GLCCI1: variants seen among roughly 807,000 people sequenced by gnomAD.
The protein encoded by GLCCI1 is glucocorticoid induced 1.
Under a neutral mutation model 52.2 loss-of-function variants are expected in GLCCI1, and 24 were observed. The observed-to-expected ratio is 0.46, with a 90% CI of 0.33 to 0.65. GLCCI1 has a LOEUF of 0.65. GLCCI1 is among the 30% of genes least tolerant of loss of function. GLCCI1 has a pLI of 0.02. For synonymous variants in GLCCI1, 310 were observed against 276.5 expected, an observed-to-expected ratio of 1.12 and a Z score of -1.20; for missense variants, 704 against 701.5, an observed-to-expected ratio of 1.00 and a Z score of -0.04.
At chr7:7,997,857 G>A (rs766582985) in intron 1 of GLCCI1, among the ~76,000 whole-genome samples, 14 of 151,720 alleles carry the variant, frequency 9.2e-5, no homozygotes, top group Non-Finnish European at 1.3e-4. Flanking sequence ...AACCTGGGAG[G>A]CAGAGGTTAC....
At chr7:8,011,087 C>G (rs903359779) in intron 2 of GLCCI1, among the ~76,000 whole-genome samples, 6 of 151,964 alleles carry the variant, frequency 3.9e-5, no homozygotes, top group Admixed American at 3.3e-4. Flanking sequence ...TGACTACATT[C>G]CAGCCTGGGC....
At chr7:8,061,542 A>G (rs993640035) in intron 5 of GLCCI1, among the ~76,000 whole-genome samples, 4 of 152,096 alleles carry the variant, frequency 2.6e-5, no homozygotes, top group Non-Finnish European at 5.9e-5. Flanking sequence ...ACCCTCCCAA[A>G]AGGTTGTACT....
intron 5 of GLCCI1, among the ~76,000 whole-genome samples, chr7:8,067,670 G>A (rs2127963408): frequency 6.6e-6 from 1 of 152,152 alleles, no homozygotes; most frequent in Middle Eastern, 3.4e-3. Flanking sequence ...GCTTGGAATA[G>A]GCTCCAATCT....
chr7:8,034,555 C>T (rs1265589741), intron 3 of GLCCI1, among the ~76,000 whole-genome samples: 2 of 152,156 alleles, frequency 1.3e-5, no homozygotes, highest in Non-Finnish European at 2.9e-5. Flanking sequence ...ATTGGTAAGA[C>T]ACTTGAAGTA....
intron 6 of GLCCI1, among the ~76,000 whole-genome samples, chr7:8,075,104 T>A (rs1782849060): frequency 6.6e-6 from 1 of 152,232 alleles, no homozygotes; most frequent in Admixed American, 6.5e-5. Flanking sequence ...CGCTATGAAT[T>A]ATGTATAATT....
At chr7:8,083,250 C>A (rs902509246) in intron 6 of GLCCI1, among the ~76,000 whole-genome samples, 1 of 152,078 alleles carries the variant, frequency 6.6e-6, no homozygotes, top group African/African-American at 2.4e-5. Context: ...TCCCTACTTA[C>A]TTGTATTTTT....
intron 3 of GLCCI1, among the ~76,000 whole-genome samples, chr7:8,041,865 C>G (rs1782007423): frequency 1.3e-5 from 2 of 152,044 alleles, no homozygotes; most frequent in South Asian, 4.1e-4. Flanking sequence ...GTGCTGGAAT[C>G]ACAAGTATGA....
In GLCCI1 at chr7:8,062,656, C is replaced by G. The variant is rs540224514; in HGVS notation, c.966+2408C>G. On this transcript the variant is annotated intron_variant, in intron 5 of 7. Transcript: ENST00000223145. ...CAAGTAGGCCCTGATATCTGTTGTT[C>G]CCTTCTTTGTATCTGTATGTACTCA... Among the ~76,000 whole-genome samples the G allele has an allele frequency of 2.6e-5, 4 of 152,258 alleles. No individual in the cohort carries two copies. In the South Asian group the frequency reaches 8.3e-4, roughly 32 times the overall value.
At chr7:7,996,188 T>C (rs1357599889) in intron 1 of GLCCI1, among the ~76,000 whole-genome samples, 3 of 152,208 alleles carry the variant, frequency 2.0e-5, no homozygotes, top group African/African-American at 7.2e-5. Flanking sequence ...ATTTTAGTTG[T>C]TTTTGTAGTT....
Position 8,088,116 on chromosome 7 carries a change from T to G in GLCCI1, c.*1578T>G, listed in dbSNP as rs984902601. ...GCCTACAGTTAAAGGAACGTTTCAG[T>G]TCCTTTCATTCATTCCTGGGTTTTT... On this transcript the variant is annotated 3_prime_UTR_variant, in exon 8 of 8. Coordinates refer to ENST00000223145, the MANE Select transcript of GLCCI1 (RefSeq NM_138426.4). 1 of 152,194 alleles carries G rather than the reference T, an allele frequency of 6.6e-6. No homozygotes were observed. Among genetic ancestry groups the G allele is most frequent in the African/African-American group, 2.4e-5 (1 of 41,438 alleles). 9.4% of individuals were successfully genotyped at this position (152,194 alleles called of 1,614,324 possible).
At chr7:8,009,204 A>T (rs1191987876) in intron 2 of GLCCI1, among the ~76,000 whole-genome samples, 1 of 152,224 alleles carries the variant, frequency 6.6e-6, no homozygotes, top group East Asian at 1.9e-4. Flanking sequence ...AGCCTTGCAG[A>T]TACAACCTTT....
intron 6 of GLCCI1, among the ~76,000 whole-genome samples, chr7:8,083,841 C>G (rs1157924038): frequency 6.6e-6 from 1 of 152,138 alleles, no homozygotes; most frequent in Non-Finnish European, 1.5e-5. Context: ...TGTGTTATAA[C>G]TTCATTAATG....
intron 1 of GLCCI1, among the ~76,000 whole-genome samples, chr7:7,991,778 A>G (rs1232797131): frequency 1.3e-5 from 2 of 152,114 alleles, no homozygotes; most frequent in African/African-American, 2.4e-5. Flanking sequence ...ATCTTTCTCC[A>G]TAAAAGGAAC....
intron 6 of GLCCI1, among the ~76,000 whole-genome samples, chr7:8,079,058 T>G (rs1562453079): frequency 6.6e-6 from 1 of 152,218 alleles, no homozygotes; most frequent in African/African-American, 2.4e-5. Flanking sequence ...AATATTTAAG[T>G]GAATATTTAA....
intron 1 of GLCCI1, among the ~76,000 whole-genome samples, chr7:8,003,643 A>G (rs774493284): frequency 2.0e-5 from 3 of 152,290 alleles, no homozygotes; most frequent in East Asian, 3.9e-4. Context: ...AATAATGGCA[A>G]TGAGATGATA....
intron 1 of GLCCI1, among the ~76,000 whole-genome samples, chr7:7,970,788 G>A (rs534891393): frequency 6.6e-6 from 1 of 152,286 alleles, no homozygotes; most frequent in African/African-American, 2.4e-5. Flanking sequence ...AGGGAGAGTG[G>A]AATAGCTAAT....
At chr7:8,008,091 C>G (rs2036240311) in intron 2 of GLCCI1, among the ~76,000 whole-genome samples, 1 of 130,690 alleles carries the variant, frequency 7.7e-6, no homozygotes. Context: ...GTGGTGAGAA[C>G]ACTTAAAATC....
chr7:7,970,490 A>G (rs1780326786), intron 1 of GLCCI1: 1 of 147,226 alleles, frequency 6.8e-6, no homozygotes. Flanking sequence ...TTTGTGCTCT[A>G]CCGGAGATTT....
At chr7:8,051,209 G>T (rs1442642149) in intron 3 of GLCCI1, among the ~76,000 whole-genome samples, 2 of 152,216 alleles carry the variant, frequency 1.3e-5, no homozygotes, top group Non-Finnish European at 2.9e-5. Flanking sequence ...CATAAAGAGG[G>T]TGTGTTCTAA....
Sources: allele counts gnomAD v4.1 joint callset (sites outside exome capture counted in the v4.1 genomes callset), GRCh38; gene constraint gnomAD v4.1.1; transcripts MANE v1.5; gene names NCBI Gene and HGNC (gene_info 2026-07-23, HGNC 2026-07-21).